Variants in NPAS3 observed in about 807,000 individuals in gnomAD.
NPAS3 encodes neuronal PAS domain-containing protein 3.
Under a neutral mutation model 73.1 loss-of-function variants are expected in NPAS3, and 14 were observed. The ratio of observed to expected loss-of-function variants is 0.19; its 90% CI spans 0.13 to 0.30. NPAS3 has a LOEUF of 0.30. NPAS3 is among the 10% of genes least tolerant of loss of function. The pLI, the probability that NPAS3 is intolerant of heterozygous loss-of-function variation, is 1.00. For missense variants in NPAS3, 1,096 were observed against 1,250.0 expected (o/e 0.88, Z 1.86); for synonymous variants, 620 against 541.5 (o/e 1.14, Z -2.01).
chr14:33,394,045 G>A (rs898262981), intron 4 of NPAS3, among the ~76,000 whole-genome samples: 5 of 152,154 alleles, frequency 3.3e-5, no homozygotes, highest in African/African-American at 4.8e-5. Flanking sequence ...ATTCATAATT[G>A]TTTGATTTTA....
At chr14:33,697,390 C>T (rs2140435001) in intron 6 of NPAS3, among the ~76,000 whole-genome samples, 1 of 152,272 alleles carries the variant, frequency 6.6e-6, no homozygotes, top group African/African-American at 2.4e-5. Context: ...AGGATGATCA[C>T]AAGTTAAGCT....
At chr14:33,778,556 G>C in exon 9 of NPAS3, 1 of 1,612,742 alleles carries the variant, frequency 6.2e-7, no homozygotes, top group Non-Finnish European at 8.5e-7. Context: ...AGGGCATCAG[G>C]CACAGTCACT....
intron 2 of NPAS3, among the ~76,000 whole-genome samples, chr14:33,132,508 G>C (rs979135640): frequency 3.9e-5 from 6 of 152,120 alleles, no homozygotes; most frequent in African/African-American, 1.4e-4. Context: ...AGAGAGGTTA[G>C]AGATGGAAAT....
intron 6 of NPAS3, among the ~76,000 whole-genome samples, chr14:33,733,069 T>C (rs2061438165): frequency 6.6e-6 from 1 of 152,198 alleles, no homozygotes; most frequent in African/African-American, 2.4e-5. Flanking sequence ...AGGTTTCACT[T>C]CTCTGGGAAG....
At chr14:33,037,380 C>A (rs539377748) in intron 1 of NPAS3, among the ~76,000 whole-genome samples, 2 of 150,850 alleles carry the variant, frequency 1.3e-5, no homozygotes, top group Non-Finnish European at 2.9e-5. Context: ...CATGGTGGCT[C>A]ATGTCTGTCA....
intron 2 of NPAS3, among the ~76,000 whole-genome samples, chr14:33,194,916 A>C (rs1228742417): frequency 6.6e-6 from 1 of 152,222 alleles, no homozygotes; most frequent in Non-Finnish European, 1.5e-5. Context: ...ATTTAGGATC[A>C]GCCTATAGCA....
At chr14:33,749,106 C>G (rs2061886558) in intron 7 of NPAS3, among the ~76,000 whole-genome samples, 2 of 152,130 alleles carry the variant, frequency 1.3e-5, no homozygotes, top group Non-Finnish European at 2.9e-5. Flanking sequence ...TGGACTAAAA[C>G]CAACCAGTCT....
chr14:33,591,661 T>C lies in NPAS3; in HGVS notation c.558+31451T>C, dbSNP rs1004072745. Among the ~76,000 whole-genome samples, 9 of 152,306 alleles carry C rather than the reference T, an allele frequency of 5.9e-5. No homozygotes were observed. In the South Asian group the frequency reaches 8.3e-4, roughly 14 times the overall value. On this transcript the variant is annotated intron_variant, in intron 5 of 11. Transcript: ENST00000356141. ...CTTATAGAAACCATGTGTAGGAAATTTTCCATCTACCACATTTAATTAGGT... is the reference window on the plus strand; with the variant it reads ...CTTATAGAAACCATGTGTAGGAAATCTTCCATCTACCACATTTAATTAGGT...
intron 2 of NPAS3, among the ~76,000 whole-genome samples, chr14:33,095,683 T>A (rs2042389706): frequency 7.1e-6 from 1 of 139,934 alleles, no homozygotes; most frequent in Non-Finnish European, 1.6e-5. Context: ...TTTTTTTTTT[T>A]TTTGAGAGGG....
chr14:32,969,467 T>A (rs557428007), intron 1 of NPAS3, among the ~76,000 whole-genome samples: 1 of 152,156 alleles, frequency 6.6e-6, no homozygotes, highest in African/African-American at 2.4e-5. Context: ...AAAGTTTTCA[T>A]GAGGAAATAC....
intron 3 of NPAS3, among the ~76,000 whole-genome samples, chr14:33,354,004 G>T (rs1383046036): frequency 6.6e-6 from 1 of 152,242 alleles, no homozygotes; most frequent in East Asian, 1.9e-4. Context: ...CATTAAGTTT[G>T]TAGAGTCAAG....
At chr14:33,308,527 T>TATATACACACACAC in intron 3 of NPAS3, among the ~76,000 whole-genome samples, 29 of 103,702 alleles carry the variant, frequency 2.8e-4, no homozygotes, top group African/African-American at 1.0e-3. Flanking sequence ...TATATATATA[T>TATATACACACACAC]ACATACACAC....
intron 2 of NPAS3, among the ~76,000 whole-genome samples, chr14:33,110,388 G>A (rs1216422250): frequency 6.6e-6 from 1 of 152,120 alleles, no homozygotes; most frequent in African/African-American, 2.4e-5. Context: ...GCTGAAGTAA[G>A]TTTAGAAAAC....
chr14:33,562,077 A>G (rs2055677063), intron 5 of NPAS3, among the ~76,000 whole-genome samples: 1 of 152,210 alleles, frequency 6.6e-6, no homozygotes, highest in African/African-American at 2.4e-5. Context: ...ATATGCACAT[A>G]TATGGATCGG....
chr14:33,794,190 C>A, intron 10 of NPAS3, 146 bp downstream of exon 10: 1 of 679,328 alleles, frequency 1.5e-6, no homozygotes, highest in Non-Finnish European at 2.5e-6. Context: ...GCTGTTCTTT[C>A]CACAAGATTC....
intron 7 of NPAS3, among the ~76,000 whole-genome samples, chr14:33,762,041 C>T (rs1319679749): frequency 6.6e-6 from 1 of 152,206 alleles, no homozygotes; most frequent in Non-Finnish European, 1.5e-5. Flanking sequence ...CCAACCTGAT[C>T]TCATTTAATG....
At chr14:33,028,896 C>A (rs1278784695) in intron 1 of NPAS3, among the ~76,000 whole-genome samples, 1 of 152,090 alleles carries the variant, frequency 6.6e-6, no homozygotes, top group Non-Finnish European at 1.5e-5. Flanking sequence ...AAAAGTGTAT[C>A]ATGGTAGTTT....
At chr14:33,740,919 CATG>C (rs1396275462) in intron 7 of NPAS3, among the ~76,000 whole-genome samples, 1 of 152,072 alleles carries the variant, frequency 6.6e-6, no homozygotes, top group Non-Finnish European at 1.5e-5. Context: ...GGAAAAACTC[CATG>C]ATTTCTCAGG....
intron 3 of NPAS3, among the ~76,000 whole-genome samples, chr14:33,219,820 G>GTT (rs2139701811): frequency 6.6e-6 from 1 of 152,268 alleles, no homozygotes. Flanking sequence ...CCCAAAATTA[G>GTT]ATAGCATTTT....
Sources: allele counts gnomAD v4.1 joint callset (sites outside exome capture counted in the v4.1 genomes callset), GRCh38; gene constraint gnomAD v4.1.1; transcripts MANE v1.5; gene names NCBI Gene and HGNC (gene_info 2026-07-23, HGNC 2026-07-21).